Variants in CATSPER2 observed in about 807,000 individuals in gnomAD.
The protein encoded by CATSPER2 is cation channel sperm associated 2.
A neutral mutation model predicts 68.8 loss-of-function variants in CATSPER2; 56 were observed. The observed-to-expected ratio is 0.81, with a 90% CI of 0.66 to 1.02. The LOEUF (loss-of-function observed/expected upper bound fraction) is 1.02. Among genes scored for constraint, CATSPER2 ranks in the 50% least tolerant of loss-of-function variants. CATSPER2 has a pLI of 0.00. For missense variants in CATSPER2, 582 were observed against 642.0 expected (o/e 0.91, Z 1.01); for synonymous variants, 198 against 229.9 (o/e 0.86, Z 1.26).
intron 4 of CATSPER2, among the ~76,000 whole-genome samples, chr15:43,645,420 G>C (rs2470121): frequency 0.22 from 32,975 of 151,712 alleles, 5,843 homozygotes; most frequent in African/African-American, 0.47. Context: ...TACAGGCACT[G>C]GACATTTCTG....
chr15:43,648,455 G>A (rs1424086819), intron 1 of CATSPER2, among the ~76,000 whole-genome samples, 174 bp downstream of exon 1: 1 of 152,026 alleles, frequency 6.6e-6, no homozygotes, highest in Non-Finnish European at 1.5e-5. Context: ...GGGCAATGAG[G>A]TGGAGTTGGG....
Position 43,630,369 on chromosome 15 carries a change from C to T in CATSPER2, c.*332G>A. On this transcript the variant is annotated 3_prime_UTR_variant, in exon 13 of 13. Coordinates refer to ENST00000396879, the MANE Select transcript of CATSPER2 (RefSeq NM_172095.4). ...GCAGCTATCAGGAGTATTTATAAGA[C>T]ACTTATACAGAGTCTCACTCTGTTG... 5.3e-6 allele frequency: 2 copies of T among 375,288 alleles called. No homozygotes were observed. The highest frequency in any genetic ancestry group is 1.0e-5 in the Non-Finnish European group (2 of 195,524). 23.2% of individuals were successfully genotyped at this position (375,288 alleles called of 1,614,324 possible).
At chr15:43,646,875 C>T (rs1489885997) in intron 4 of CATSPER2, among the ~76,000 whole-genome samples, 175 bp downstream of exon 4, 1 of 151,584 alleles carries the variant, frequency 6.6e-6, no homozygotes, top group Non-Finnish European at 1.5e-5. Context: ...CTACCAAGCC[C>T]GGCTAATTTT....
At chr15:43,641,071 C>G (rs2086063855) in intron 4 of CATSPER2, among the ~76,000 whole-genome samples, 1 of 151,736 alleles carries the variant, frequency 6.6e-6, no homozygotes, top group Admixed American at 6.6e-5. Flanking sequence ...TGCAAATTTC[C>G]TCTCTAGAAA....
In CATSPER2 at chr15:43,647,486, A is replaced by C; in HGVS notation, c.146-19T>G. On this transcript the variant is annotated intron_variant, in intron 2 of 12. Coordinates refer to ENST00000396879, the MANE Select transcript of CATSPER2 (RefSeq NM_172095.4). ...GAAGGATCTACAACAAAAATTAAAA[A>C]GGGATAGTGGATAAATACAAACAAA... 1 of 1,610,232 alleles carries C rather than the reference A, an allele frequency of 6.2e-7. No individual in the cohort carries two copies. Among genetic ancestry groups the C allele is most frequent in the Non-Finnish European group, 8.5e-7 (1 of 1,176,760 alleles).
intron 10 of CATSPER2, chr15:43,633,322 G>C: frequency 3.5e-6 from 1 of 286,972 alleles, no homozygotes; most frequent in Non-Finnish European, 6.7e-6. Context: ...CTTCTTAAAC[G>C]TAAGTCACTT....
rs2086220793 is a variant in CATSPER2, at chr15:43,648,730, G to A, written c.-104C>T. 3.3e-6 allele frequency: 5 copies of A among 1,513,192 alleles called. No individual in the cohort carries two copies. Among genetic ancestry groups the A allele is most frequent in the Non-Finnish European group, 3.5e-6 (4 of 1,134,850 alleles). The allele number at this position is 1,513,192 out of a possible 1,614,324, so 93.7% of individuals were successfully genotyped here. ...TACCCCTATGCAAGACGAGCTCAGG[G>A]CCGGCTCCCAGCCTCACTGCGCCCC... On this transcript the variant is annotated 5_prime_UTR_variant, in exon 1 of 13. Transcript: ENST00000396879.
At chr15:43,638,607 A>G (rs2086011227) in intron 7 of CATSPER2, among the ~76,000 whole-genome samples, 1 of 151,902 alleles carries the variant, frequency 6.6e-6, no homozygotes, top group South Asian at 2.1e-4. Context: ...AAAAGAGGTA[A>G]CTGAGTCACA....
At position 43,639,764 on chromosome 15, in the gene CATSPER2, A is replaced by T; in HGVS notation, c.596T>A (p.Val199Glu). 6.2e-7 allele frequency: 1 copy of T among 1,611,860 alleles called. No homozygotes were observed. Among genetic ancestry groups the T allele is most frequent in the Non-Finnish European group, 8.5e-7 (1 of 1,178,510 alleles). ...CTGAAGCCACACCGATTGGCCTGTT[A>T]CCCCTACCAATACCACAACCTCGGG... ...LLPEVVVLVG[V>E]TGQSVWLQLL... Residue 199 changes from valine (V) to glutamate (E), a missense_variant, in exon 6 of 13, where the codon GTA becomes GAA. Physicochemically the swap from Val to Glu is moderately radical, Grantham distance 121. Transcript: ENST00000396879.
chr15:43,636,027 T>A lies in CATSPER2; in HGVS notation c.1021+14A>T, dbSNP rs2085957234. 1 of 1,515,598 alleles carries A rather than the reference T, an allele frequency of 6.6e-7. No individual in the cohort carries two copies. The highest frequency in any genetic ancestry group is 9.1e-7 in the Non-Finnish European group (1 of 1,098,286). 93.9% of individuals were successfully genotyped at this position (1,515,598 alleles called of 1,614,324 possible). ...CCACACTTCCCAAACAAGTTTCACC[T>A]CCTCTATGCTTACCCATCATGGCTA... On this transcript the variant is annotated intron_variant, in intron 8 of 12. Coordinates refer to ENST00000396879, the MANE Select transcript of CATSPER2 (RefSeq NM_172095.4).
chr15:43,634,938 C>T (rs1289442232), intron 10 of CATSPER2: 1 of 232,812 alleles, frequency 4.3e-6, no homozygotes, highest in Non-Finnish European at 9.0e-6. Context: ...GGGAGAAGTT[C>T]CTTGCCTCTT....
chr15:43,633,419 T>C (rs1197190900), intron 10 of CATSPER2: 1 of 184,318 alleles, frequency 5.4e-6, no homozygotes, highest in Non-Finnish European at 1.1e-5. Flanking sequence ...ATTCTCTCTC[T>C]GACTTCATTT....
At position 43,630,604 on chromosome 15, in the gene CATSPER2, T is replaced by G; in HGVS notation, c.*97A>C. ...CTTTTTAATTTTAATGAACAGACAT[T>G]GTTCTATCTGAATGTTTATATTTTC... On this transcript the variant is annotated 3_prime_UTR_variant, in exon 13 of 13. Transcript: ENST00000396879. 1 of 1,607,524 alleles carries G rather than the reference T, an allele frequency of 6.2e-7. No individual in the cohort carries two copies. The highest frequency in any genetic ancestry group is 8.5e-7 in the Non-Finnish European group (1 of 1,177,002).
chr15:43,647,815 G>A (rs2086198284), intron 2 of CATSPER2, 102 bp downstream of exon 2: 1 of 1,290,898 alleles, frequency 7.7e-7, no homozygotes, highest in East Asian at 2.3e-5. Context: ...TATCAAGTTT[G>A]GTAAACCAGC....
In CATSPER2 at chr15:43,630,245, C is replaced by T. The variant is rs1242100866; in HGVS notation, c.*456G>A. On this transcript the variant is annotated 3_prime_UTR_variant, in exon 13 of 13. Coordinates refer to ENST00000396879, the MANE Select transcript of CATSPER2 (RefSeq NM_172095.4). Reference sequence around the variant, plus strand: ...CAAACAATCCTGCCTCAGCCCATAGCTGGGACTAGAGGCACACATCACCAC... The same window carrying T: ...CAAACAATCCTGCCTCAGCCCATAGTTGGGACTAGAGGCACACATCACCAC... 1 of 216,408 alleles carries T rather than the reference C, an allele frequency of 4.6e-6. No homozygotes were observed. Among genetic ancestry groups the T allele is most frequent in the African/African-American group, 2.3e-5 (1 of 43,776 alleles). 13.4% of individuals were successfully genotyped at this position (216,408 alleles called of 1,614,324 possible).
chr15:43,631,509 G>A (rs545998296), intron 12 of CATSPER2: 23 of 378,676 alleles, frequency 6.1e-5, no homozygotes, highest in Non-Finnish European at 1.1e-4. Context: ...GATTACAGGT[G>A]TGAGCCACCG....
chr15:43,643,746 T>C (rs1487197438), intron 4 of CATSPER2, among the ~76,000 whole-genome samples: 1 of 152,042 alleles, frequency 6.6e-6, no homozygotes, highest in African/African-American at 2.4e-5. Context: ...AAACTTTATA[T>C]AGCACATCAA....
chr15:43,639,314 G>A (rs1337095992), intron 6 of CATSPER2: 7 of 463,198 alleles, frequency 1.5e-5, no homozygotes, highest in East Asian at 4.5e-5. Context: ...GCGCAGTCTC[G>A]GCTCACTGCA....
At chr15:43,636,673 G>A (rs1043636086) in intron 7 of CATSPER2, among the ~76,000 whole-genome samples, 2 of 151,662 alleles carry the variant, frequency 1.3e-5, no homozygotes, top group African/African-American at 4.8e-5. Context: ...TTATAGGTGT[G>A]AGCCACCGCA....
Sources: allele counts gnomAD v4.1 joint callset (sites outside exome capture counted in the v4.1 genomes callset), GRCh38; gene constraint gnomAD v4.1.1; transcripts MANE v1.5; gene names NCBI Gene and HGNC (gene_info 2026-07-23, HGNC 2026-07-21).